DMD: variants seen among roughly 807,000 people sequenced by gnomAD.
The protein encoded by DMD is dystrophin.
DMD carries 63 observed loss-of-function variants against 330.1 expected under a neutral mutation model. That is an observed-to-expected ratio of 0.19 (90% CI 0.16 to 0.24). The LOEUF is 0.24. DMD is among the 10% of genes least tolerant of loss of function. The pLI, the probability that DMD is intolerant of heterozygous loss-of-function variation, is 1.00. For synonymous variants in DMD, 1,223 were observed against 959.8 expected (o/e 1.27, Z -5.07); for missense variants, 3,344 against 2,684.1 (o/e 1.25, Z -5.43).
chrX:33,008,872 T>A (rs866656254), intron 2 of DMD, among the ~76,000 whole-genome samples: 2 of 42,046 alleles, frequency 4.8e-5, no homozygotes, highest in Non-Finnish European at 1.0e-4. Context: ...ATACACATAC[T>A]CATATATGTA....
intron 12 of DMD, among the ~76,000 whole-genome samples, chrX:32,599,175 C>A (rs1189596585): frequency 8.9e-6 from 1 of 111,762 alleles, no homozygotes; most frequent in Non-Finnish European, 1.9e-5. Context: ...ACTTCAAATG[C>A]GAAATAAATA....
intron 48 of DMD, among the ~76,000 whole-genome samples, chrX:31,866,599 A>G (rs1402560400): frequency 8.9e-6 from 1 of 112,506 alleles, no homozygotes; most frequent in Non-Finnish European, 1.9e-5. Flanking sequence ...AAATACTGGT[A>G]TATGACAAAC....
chrX:31,898,217 C>T (rs1159784620), intron 47 of DMD, among the ~76,000 whole-genome samples: 1 of 110,210 alleles, frequency 9.1e-6, no homozygotes, highest in Non-Finnish European at 1.9e-5. Flanking sequence ...AGATTCAATG[C>T]CATCCCCATC....
intron 9 of DMD, among the ~76,000 whole-genome samples, chrX:32,663,476 C>T (rs1487153751): frequency 9.0e-6 from 1 of 111,600 alleles, no homozygotes; most frequent in Non-Finnish European, 1.9e-5. Context: ...GAGCAACTAA[C>T]AAAAGAGCCT....
At chrX:32,737,136 C>A (rs2068615426) in intron 7 of DMD, among the ~76,000 whole-genome samples, 1 of 109,086 alleles carries the variant, frequency 9.2e-6, no homozygotes. Context: ...ACAGCAACAA[C>A]AAAAGGGGGG....
At chrX:31,569,714 G>A (rs2075711370) in intron 55 of DMD, among the ~76,000 whole-genome samples, 3 of 96,999 alleles carry the variant, frequency 3.1e-5, no homozygotes, top group Admixed American at 2.2e-4. Context: ...TGAACCAACT[G>A]TAACTAACAT....
chrX:31,150,459 A>G (rs2037272673), intron 74 of DMD, among the ~76,000 whole-genome samples: 1 of 112,224 alleles, frequency 8.9e-6, no homozygotes, highest in Non-Finnish European at 1.9e-5. Flanking sequence ...CATTTCTGAT[A>G]TTTGATATCC....
At chrX:32,828,102 A>G (rs760836955) in intron 4 of DMD, among the ~76,000 whole-genome samples, 6 of 111,798 alleles carry the variant, frequency 5.4e-5, no homozygotes, top group Admixed American at 2.9e-4. Context: ...TATATGTAGC[A>G]TATTTTCTTA....
intron 45 of DMD, among the ~76,000 whole-genome samples, chrX:31,934,620 T>A (rs190212098): frequency 6.6e-4 from 74 of 111,436 alleles, no homozygotes; most frequent in African/African-American, 2.1e-3. Context: ...ATCCCGAATA[T>A]AACATCTGAT....
chrX:31,526,140 A>G (rs1460379143), intron 55 of DMD, among the ~76,000 whole-genome samples: 1 of 112,551 alleles, frequency 8.9e-6, no homozygotes, highest in Admixed American at 9.4e-5. Context: ...TTAAATGCGG[A>G]AGAGAAAATC....
intron 71 of DMD, 69 bp downstream of exon 71, chrX:31,177,863 G>A: frequency 4.3e-6 from 4 of 929,421 alleles, no homozygotes; most frequent in Non-Finnish European, 6.2e-6. Flanking sequence ...CAAATAAACA[G>A]AACAAAAGAG....
chrX:32,987,330 C>T (rs1325898719), intron 2 of DMD, among the ~76,000 whole-genome samples: 1 of 111,250 alleles, frequency 9.0e-6, no homozygotes, highest in Non-Finnish European at 1.9e-5. Flanking sequence ...GAGTGCTTTG[C>T]AGTCCTGGCA....
chrX:32,456,195 T>C (rs1166386692), intron 25 of DMD, among the ~76,000 whole-genome samples: 4 of 110,738 alleles, frequency 3.6e-5, no homozygotes, highest in African/African-American at 1.3e-4. Context: ...TTGATTTTCC[T>C]TATAATTTAC....
At chrX:32,953,494 G>A (rs60519280) in intron 2 of DMD, among the ~76,000 whole-genome samples, 10,767 of 111,418 alleles carry the variant, frequency 0.097, 948 homozygotes, top group African/African-American at 0.28. Context: ...ATTATCATTG[G>A]TGTATATAAC....
intron 74 of DMD, among the ~76,000 whole-genome samples, chrX:31,159,053 C>T (rs2038506742): frequency 9.0e-6 from 1 of 111,404 alleles, no homozygotes; most frequent in Admixed American, 9.5e-5. Flanking sequence ...AAAATCAACC[C>T]CAAAAACCCA....
intron 17 of DMD, among the ~76,000 whole-genome samples, chrX:32,525,756 T>A (rs771538288): frequency 9.0e-6 from 1 of 111,677 alleles, no homozygotes; most frequent in African/African-American, 3.3e-5. Context: ...CTCTTCCCAG[T>A]GCTTTGCAGA....
chrX:31,312,829 C>CA (rs759133011), intron 62 of DMD, among the ~76,000 whole-genome samples: 77 of 111,704 alleles, frequency 6.9e-4, no homozygotes, highest in Non-Finnish European at 1.3e-3. Context: ...TGGAAGCCAT[C>CA]ATCCTCAGCA....
At chrX:31,995,601 G>A (rs748620121) in intron 44 of DMD, among the ~76,000 whole-genome samples, 15 of 111,493 alleles carry the variant, frequency 1.3e-4, no homozygotes, top group Non-Finnish European at 2.5e-4. Flanking sequence ...GAGGAGGGAG[G>A]GAGAGGGGAA....
intron 7 of DMD, among the ~76,000 whole-genome samples, chrX:32,784,137 T>A (rs1156832510): frequency 9.0e-6 from 1 of 111,328 alleles, no homozygotes; most frequent in African/African-American, 3.3e-5. Context: ...TCCTATTAAA[T>A]CGTTTTCTGA....
Sources: gnomAD v4.1 joint callset for allele counts (sites outside exome capture counted in the v4.1 genomes callset) on GRCh38, gnomAD v4.1.1 for gene constraint, MANE v1.5 for transcripts, NCBI Gene and HGNC (gene_info 2026-07-23, HGNC 2026-07-21) for gene names.